The following ENPP2 variants were observed in gnomAD, a reference collection of about 807,000 sequenced individuals.
ENPP2 encodes the protein ectonucleotide pyrophosphatase/phosphodiesterase 2.
ENPP2 carries 51 observed loss-of-function variants against 120.2 expected under a neutral mutation model. The ratio of observed to expected loss-of-function variants is 0.42; its 90% CI spans 0.34 to 0.54. ENPP2 has a LOEUF of 0.54. ENPP2 is among the 20% of genes least tolerant of loss of function. ENPP2 has a pLI of 0.04. For missense variants in ENPP2, 920 were observed against 1,066.5 expected (o/e 0.86, Z 1.91); for synonymous variants, 365 against 366.4 (o/e 1.00, Z 0.04).
chr8:119,582,940 T>G (rs1173341590), intron 17 of ENPP2, among the ~76,000 whole-genome samples: 1 of 152,190 alleles, frequency 6.6e-6, no homozygotes, highest in Non-Finnish European at 1.5e-5. Flanking sequence ...AATGTCAGTA[T>G]CACTTTTTCC....
intron 12 of ENPP2, 140 bp downstream of exon 12, chr8:119,593,612 G>A (rs975269482): frequency 3.0e-5 from 19 of 623,750 alleles, no homozygotes; most frequent in Middle Eastern, 3.5e-4. Context: ...ATCATGGCCT[G>A]ATTTCTATCC....
In ENPP2 at chr8:119,637,752, C is replaced by A. The variant is rs1817089135; in HGVS notation, c.136+673G>T. ...AAGCCCCCTCTGTCTGCACAAGGAGCTCCTTTATAAGAACACTGTATGGGA... is the reference window on the plus strand; with the variant it reads ...AAGCCCCCTCTGTCTGCACAAGGAGATCCTTTATAAGAACACTGTATGGGA... On this transcript the variant is annotated intron_variant, in intron 2 of 24. Transcript: ENST00000075322. Among the ~76,000 whole-genome samples, 2 of 152,176 alleles carry A rather than the reference C, an allele frequency of 1.3e-5. 1 individual carries two copies. The highest frequency in any genetic ancestry group is 2.9e-5 in the Non-Finnish European group (2 of 68,030).
chr8:119,660,667 A>G (rs1279678253), intron 1 of ENPP2, among the ~76,000 whole-genome samples: 1 of 152,206 alleles, frequency 6.6e-6, no homozygotes. Context: ...TTCATTCTAA[A>G]AATGAGAATA....
At chr8:119,579,742 C>G (rs1310024452) in intron 19 of ENPP2, among the ~76,000 whole-genome samples, 1 of 152,046 alleles carries the variant, frequency 6.6e-6, no homozygotes, top group Non-Finnish European at 1.5e-5. Context: ...TATATATACA[C>G]TGACTCTCGA....
At chr8:119,612,580 A>G (rs1334199805) in intron 8 of ENPP2, among the ~76,000 whole-genome samples, 1 of 152,200 alleles carries the variant, frequency 6.6e-6, no homozygotes, top group East Asian at 1.9e-4. Context: ...AGGTCAAGCA[A>G]CTTAAGTGAT....
intron 11 of ENPP2, chr8:119,595,838 T>C: frequency 6.2e-7 from 1 of 1,613,704 alleles, no homozygotes; most frequent in Non-Finnish European, 8.5e-7. Context: ...GAACAATAGA[T>C]AAACTTACTT....
chr8:119,575,656 T>C (rs867109545), intron 19 of ENPP2, among the ~76,000 whole-genome samples: 39 of 152,322 alleles, frequency 2.6e-4, no homozygotes, highest in African/African-American at 8.9e-4. Flanking sequence ...TGGTACTCTG[T>C]AACTTAATCT....
Position 119,619,298 on chromosome 8 carries a change from G to A in ENPP2, c.425C>T (p.Ser142Leu), listed in dbSNP as rs759807131. ...CTCACAGTCATCATCAACCCAATGCGACTCTCCTATAAGGAAAAATGGGTA... is the reference window on the plus strand; with the variant it reads ...CTCACAGTCATCATCAACCCAATGCAACTCTCCTATAAGGAAAAATGGGTA... ...TNYQVVCKGE[S>L]HWVDDDCEEI... Residue 142 changes from serine to leucine, a missense_variant, in exon 5 of 25, where the codon TCG becomes TTG. Physicochemically the swap from Ser to Leu is moderately radical, Grantham distance 145. Coordinates refer to ENST00000075322, the MANE Select transcript of ENPP2 (RefSeq NM_001040092.3). The A allele has an allele frequency of 5.2e-5, 83 of 1,608,432 alleles. No individual in the cohort carries two copies. In the Admixed American group the frequency reaches 6.7e-4, roughly 13 times the overall value.
Position 119,593,048 on chromosome 8 carries a change from C to A in ENPP2, c.1081+704G>T, listed in dbSNP as rs529902153. 1.6e-5 allele frequency: 10 copies of A among 634,316 alleles called. No homozygotes were observed. In the Admixed American group the frequency reaches 3.8e-4, roughly 24 times the overall value. 39.3% of individuals were successfully genotyped at this position (634,316 alleles called of 1,614,324 possible). On this transcript the variant is annotated intron_variant, in intron 12 of 24. Transcript: ENST00000075322. ...ATAGTTCCGGAATACAGGAGATACC[C>A]TTTAGAACTCAGTCTGCATGTCTCT...
At chr8:119,619,334 T>C (rs753547962) in intron 4 of ENPP2, 30 bp from the exon 5 acceptor site, 10 of 1,463,686 alleles carry the variant, frequency 6.8e-6, no homozygotes, top group Non-Finnish European at 9.6e-6. Context: ...AATGTATTGT[T>C]GAATCTAATT....
chr8:119,563,705 C>T (rs898600266), intron 23 of ENPP2, among the ~76,000 whole-genome samples: 25 of 151,942 alleles, frequency 1.6e-4, no homozygotes, highest in African/African-American at 5.8e-4. Context: ...ATTCATTTTC[C>T]AAATATTAAA....
chr8:119,652,190 A>G (rs897097383), intron 1 of ENPP2, among the ~76,000 whole-genome samples: 1 of 152,118 alleles, frequency 6.6e-6, no homozygotes, highest in Admixed American at 6.6e-5. Flanking sequence ...ACCTCACATT[A>G]TGGAAGGGTA....
At chr8:119,560,389 C>T (rs1251132048) in intron 24 of ENPP2, among the ~76,000 whole-genome samples, 1 of 152,154 alleles carries the variant, frequency 6.6e-6, no homozygotes, top group African/African-American at 2.4e-5. Context: ...GAGGGCCAAG[C>T]CAGTAAGTTG....
At position 119,626,593 on chromosome 8, in the gene ENPP2, A is replaced by G; in HGVS notation, c.264T>C (p.His88=). Reference sequence around the variant, plus strand: ...TCTTCAAACACAGCTCATCAAAGTCATGGCAGCAACTGGTATAGCTCTTAC... The same window carrying G: ...TCTTCAAACACAGCTCATCAAAGTCGTGGCAGCAACTGGTATAGCTCTTAC... ...NLCKSYTSCC[H]DFDELCLKTA... Residue 88 remains histidine, a synonymous_variant, in exon 3 of 25, where the codon CAT becomes CAC. Coordinates refer to ENST00000075322, the MANE Select transcript of ENPP2 (RefSeq NM_001040092.3). 6.2e-7 allele frequency: 1 copy of G among 1,614,088 alleles called. No homozygotes were observed.
chr8:119,597,656 G>A (rs560068896), intron 11 of ENPP2, among the ~76,000 whole-genome samples: 1 of 152,224 alleles, frequency 6.6e-6, no homozygotes, highest in East Asian at 1.9e-4. Context: ...CTGTAGGCCC[G>A]GAAGAGCAGC....
Position 119,573,967 on chromosome 8 carries a change from T to C in ENPP2, c.1781-3126A>G, listed in dbSNP as rs569930978. 1.1e-4 allele frequency among the ~76,000 whole-genome samples: 16 copies of C among 151,518 alleles called. No homozygotes were observed. In the South Asian group the frequency reaches 3.4e-3, roughly 32 times the overall value. On this transcript the variant is annotated intron_variant, in intron 19 of 24. Coordinates refer to ENST00000075322, the MANE Select transcript of ENPP2 (RefSeq NM_001040092.3). ...AAAATAGCATAATAAGGGGAAAAAA[T>C]ACAGTGGTTTTTACAGCCTCCTAAA...
At chr8:119,598,007 A>G (rs1466769952) in intron 11 of ENPP2, among the ~76,000 whole-genome samples, 1 of 152,166 alleles carries the variant, frequency 6.6e-6, no homozygotes, top group Non-Finnish European at 1.5e-5. Context: ...TGATTTTAAA[A>G]TAATCTTTCA....
intron 1 of ENPP2, among the ~76,000 whole-genome samples, chr8:119,666,429 A>C (rs1818071250): frequency 6.6e-6 from 1 of 152,190 alleles, no homozygotes; most frequent in Non-Finnish European, 1.5e-5. Context: ...AAAAAGTATA[A>C]AAATAATTAT....
chr8:119,641,156 T>A (rs1424381165), upstream of ENPP2, among the ~76,000 whole-genome samples: 2 of 152,216 alleles, frequency 1.3e-5, no homozygotes, highest in Non-Finnish European at 2.9e-5. Context: ...CACACAAGCA[T>A]ATATGTGCAT....
Sources: gnomAD v4.1 joint callset for allele counts (sites outside exome capture counted in the v4.1 genomes callset) on GRCh38, gnomAD v4.1.1 for gene constraint, MANE v1.5 for transcripts, NCBI Gene and HGNC (gene_info 2026-07-23, HGNC 2026-07-21) for gene names.